Variants in ZDHHC13 observed in about 807,000 individuals in gnomAD.
ZDHHC13 encodes the protein palmitoyltransferase ZDHHC13.
ZDHHC13 carries 85 observed loss-of-function variants against 86.0 expected under a neutral mutation model. The observed-to-expected ratio is 0.99, with a 90% CI of 0.83 to 1.18. The LOEUF (loss-of-function observed/expected upper bound fraction) is 1.18, where lower values mean the gene tolerates loss of function less well. Ranked by LOEUF, ZDHHC13 falls within the 50% of genes most tolerant of loss-of-function variation. The probability of loss-of-function intolerance (pLI) is 0.00; values close to 1 mark genes in which losing one functional copy is unlikely to be tolerated. For synonymous variants in ZDHHC13, 263 were observed against 246.4 expected, an observed-to-expected ratio of 1.07 and a Z score of -0.63; for missense variants, 711 against 730.2, an observed-to-expected ratio of 0.97 and a Z score of 0.30.
At chr11:19,154,195 G>A (rs1433406379) in intron 8 of ZDHHC13, among the ~76,000 whole-genome samples, 1 of 152,118 alleles carries the variant, frequency 6.6e-6, no homozygotes, top group Non-Finnish European at 1.5e-5. Flanking sequence ...AAGATCTTAA[G>A]TTCATTGATG....
chr11:19,138,185 AAGAG>A (rs1375720585), intron 1 of ZDHHC13, among the ~76,000 whole-genome samples: 23 of 151,312 alleles, frequency 1.5e-4, no homozygotes, highest in South Asian at 4.1e-4. Flanking sequence ...TAAAGAAAAA[AAGAG>A]AGAAGAATCA....
intron 16 of ZDHHC13, among the ~76,000 whole-genome samples, chr11:19,174,431 C>T (rs1850304744): frequency 2.0e-5 from 3 of 152,212 alleles, no homozygotes; most frequent in Non-Finnish European, 4.4e-5. Flanking sequence ...CCATCAACTC[C>T]ACATAGCCTT....
chr11:19,152,512 A>G (rs759329267), intron 7 of ZDHHC13, 47 bp from the exon 8 acceptor site: 9 of 1,516,610 alleles, frequency 5.9e-6, no homozygotes, highest in Non-Finnish European at 7.9e-6. Flanking sequence ...TAGCACTCAT[A>G]ATATATTAAA....
intron 5 of ZDHHC13, 73 bp downstream of exon 5, chr11:19,149,404 C>G (rs1407186557): frequency 1.1e-5 from 15 of 1,349,714 alleles, no homozygotes; most frequent in Non-Finnish European, 1.4e-5. Flanking sequence ...TAGTAGTAGT[C>G]TCTTCTCATT....
intron 14 of ZDHHC13, chr11:19,169,187 T>C (rs1290454882): frequency 4.1e-6 from 4 of 985,298 alleles, no homozygotes; most frequent in Non-Finnish European, 4.8e-6. Flanking sequence ...TGAAAGAAAA[T>C]AGATATTCTT....
At chr11:19,124,690 A>C (rs1479733344) in intron 1 of ZDHHC13, among the ~76,000 whole-genome samples, 3 of 151,906 alleles carry the variant, frequency 2.0e-5, no homozygotes, top group Non-Finnish European at 4.4e-5. Context: ...ATCCTAAAGT[A>C]ATGTTTTTAT....
chr11:19,146,869 A>G (rs923846312), intron 3 of ZDHHC13, among the ~76,000 whole-genome samples: 2 of 152,178 alleles, frequency 1.3e-5, no homozygotes, highest in Admixed American at 6.5e-5. Context: ...GATATTTAAA[A>G]TCCTCAAAGT....
At chr11:19,140,928 A>T (rs1239015731) in intron 1 of ZDHHC13, among the ~76,000 whole-genome samples, 1 of 57,674 alleles carries the variant, frequency 1.7e-5, no homozygotes. Context: ...GGGTGGGGGG[A>T]GGGGGGAGGG....
intron 15 of ZDHHC13, 24 bp from the exon 16 acceptor site, chr11:19,172,699 C>A (rs750294356): frequency 6.4e-7 from 1 of 1,559,812 alleles, no homozygotes; most frequent in South Asian, 1.2e-5. Flanking sequence ...TGAATGTGTG[C>A]AACCTTCCAC....
rs1565041780 is a variant in ZDHHC13 at position 19,166,289 on chromosome 11, CT to C, written c.1391-7del. The C allele has an allele frequency of 6.3e-7, 1 of 1,591,464 alleles. No individual in the cohort carries two copies. The highest frequency in any genetic ancestry group is 8.5e-7 in the Non-Finnish European group (1 of 1,171,674). On this transcript the variant is annotated splice_polypyrimidine_tract_variant and intron_variant, in intron 13 of 16. Coordinates refer to ENST00000446113, the MANE Select transcript of ZDHHC13 (RefSeq NM_019028.3). ...CGAAAATATTAAGTATGTTTTTTTT[CT>C]TTTTTCTTGAGGTTTTGGCAACCAT...
Position 19,149,184 on chromosome 11 carries a change from C to A in ZDHHC13, c.375-3C>A. 1 of 1,536,338 alleles carries A rather than the reference C, an allele frequency of 6.5e-7. No homozygotes were observed. The highest frequency in any genetic ancestry group is 8.8e-7 in the Non-Finnish European group (1 of 1,131,724). On this transcript the variant is annotated splice_region_variant and splice_polypyrimidine_tract_variant and intron_variant, in intron 4 of 16. Transcript: ENST00000446113. ...AGAATGGCTTTTTGTCTTCTATTTG[C>A]AGACAAGGACATTTACCTATGGTCA... is the stretch of plus-strand genomic sequence containing the variant.
Position 19,150,890 on chromosome 11 carries a change from A to G in ZDHHC13, c.584+99A>G, listed in dbSNP as rs1360631851. On this transcript the variant is annotated intron_variant, in intron 6 of 16. Coordinates refer to ENST00000446113, the MANE Select transcript of ZDHHC13 (RefSeq NM_019028.3). ...ATCTGTGTCTATGTGAGATGATAGT[A>G]CATTGAAGAAAATAAGATTTTTCAC... 1.3e-5 allele frequency: 14 copies of G among 1,037,424 alleles called. No homozygotes were observed. In the South Asian group the frequency reaches 2.6e-4, roughly 19 times the overall value. The allele number at this position is 1,037,424 out of a possible 1,614,324, so 64.3% of individuals were successfully genotyped here.
chr11:19,130,841 G>GT (rs939095596), intron 1 of ZDHHC13, among the ~76,000 whole-genome samples: 6 of 149,868 alleles, frequency 4.0e-5, no homozygotes, highest in South Asian at 2.1e-4. Flanking sequence ...TTCCAGACTG[G>GT]TTTTTTTTGT....
intron 1 of ZDHHC13, among the ~76,000 whole-genome samples, chr11:19,127,206 G>T (rs1184944374): frequency 2.0e-5 from 3 of 152,142 alleles, no homozygotes; most frequent in Non-Finnish European, 4.4e-5. Context: ...CTAATGATCA[G>T]TGATGTTGAG....
rs1849745756 is a variant in ZDHHC13 at position 19,155,931 on chromosome 11, T to A, written c.1007+2T>A. On this transcript the variant is annotated splice_donor_variant, in intron 9 of 16. Transcript: ENST00000446113. LOFTEE classifies it high-confidence loss of function. ...TTTTCTGACATCTTTGTTTCCAAGGTGTGTATGTTAATTTTTGCAAGGCTG... is the reference window on the plus strand; with the variant it reads ...TTTTCTGACATCTTTGTTTCCAAGGAGTGTATGTTAATTTTTGCAAGGCTG... 6.3e-7 allele frequency: 1 copy of A among 1,595,034 alleles called. No homozygotes were observed.
chr11:19,164,215 A>C (rs1005132307), intron 11 of ZDHHC13, 86 bp from the exon 12 acceptor site: 18 of 1,369,486 alleles, frequency 1.3e-5, no homozygotes, highest in Non-Finnish European at 1.4e-5. Context: ...TTCAGTTTGG[A>C]GCGAGAACTG....
In ZDHHC13 at chr11:19,172,837, T is replaced by C. The variant is rs747564537; in HGVS notation, c.1730+17T>C. Reference sequence around the variant, plus strand: ...ACCATACAAGTAAGCGAGACCTGTTTTGGATGCTGAGTCCTGTGGAAGATC... The same window carrying C: ...ACCATACAAGTAAGCGAGACCTGTTCTGGATGCTGAGTCCTGTGGAAGATC... On this transcript the variant is annotated intron_variant, in intron 16 of 16. Coordinates refer to ENST00000446113, the MANE Select transcript of ZDHHC13 (RefSeq NM_019028.3). 7.6e-6 allele frequency: 12 copies of C among 1,578,452 alleles called. No individual in the cohort carries two copies. The highest frequency in any genetic ancestry group is 1.2e-5 in the South Asian group (1 of 85,238).
At chr11:19,160,479 G>A (rs538009613) in intron 10 of ZDHHC13, among the ~76,000 whole-genome samples, 6 of 151,940 alleles carry the variant, frequency 3.9e-5, no homozygotes, top group South Asian at 4.1e-4. Flanking sequence ...AAGACCTAAC[G>A]CTCATAAATT....
At position 19,152,162 on chromosome 11, in the gene ZDHHC13, G is replaced by T. The variant is rs771440649; in HGVS notation, c.589G>T (p.Glu197Ter). ...TATTTTATTATTTTGAGACAGGCCA[G>T]AACCAACTGGATTTCTTTTAAAGTT... ...MLSAHKVIGP[E>*]PTGFLLKFNP... Residue 197 changes from glutamate (E) to a stop codon, truncating the protein, a stop_gained, in exon 7 of 17, where the codon GAA (glutamate) becomes TAA (stop). Transcript: ENST00000446113. LOFTEE classifies it high-confidence loss of function. The T allele has an allele frequency of 3.0e-5, 48 of 1,612,588 alleles. No homozygotes were observed. Among genetic ancestry groups the T allele is most frequent in the Non-Finnish European group, 4.0e-5 (47 of 1,179,124 alleles).
Sources: allele counts gnomAD v4.1 joint callset (sites outside exome capture counted in the v4.1 genomes callset), GRCh38; gene constraint gnomAD v4.1.1; transcripts MANE v1.5; gene names NCBI Gene and HGNC (gene_info 2026-07-23, HGNC 2026-07-21).